UNC45B: variants seen among roughly 807,000 people sequenced by gnomAD.
The protein encoded by UNC45B is protein unc-45 homolog B.
A neutral mutation model predicts 98.7 loss-of-function variants in UNC45B; 78 were observed. The ratio of observed to expected loss-of-function variants is 0.79; its 90% CI spans 0.66 to 0.95. UNC45B has a LOEUF of 0.95. Among genes scored for constraint, UNC45B ranks in the 40% least tolerant of loss-of-function variants. UNC45B has a pLI of 0.00. For synonymous variants in UNC45B, 462 were observed against 480.4 expected (o/e 0.96, Z 0.50); for missense variants, 1,225 against 1,184.9 (o/e 1.03, Z -0.50).
rs778724875 is a variant in UNC45B, at chr17:35,170,255, G to A, written c.1689G>A (p.Lys563=). ...TGCAGGCCATGTTTGAGCTGGCCAA[G>A]GCAGGTGTCGGGGAGTCTGGCCCGA... ...PALQAMFELA[K]TSDKTILYSV... is the part of the protein sequence containing the mutation. Residue 563 remains lysine (K), a splice_region_variant and synonymous_variant, in exon 12 of 20, where the codon AAG becomes AAA. Transcript: ENST00000394570. The A allele has an allele frequency of 1.2e-6, 2 of 1,604,156 alleles. No individual in the cohort carries two copies. Among genetic ancestry groups the A allele is most frequent in the Non-Finnish European group, 1.7e-6 (2 of 1,173,220 alleles).
chr17:35,157,883 GTTGT>G (rs2092074877), intron 7 of UNC45B, among the ~76,000 whole-genome samples: 1 of 150,608 alleles, frequency 6.6e-6, no homozygotes, highest in African/African-American at 2.4e-5. Context: ...GTTTTTTTTT[GTTGT>G]TTGTTTGCTT....
At position 35,174,296 on chromosome 17, in the gene UNC45B, A is replaced by C; in HGVS notation, c.1885A>C (p.Ile629Leu). 1 of 1,614,204 alleles carries C rather than the reference A, an allele frequency of 6.2e-7. No homozygotes were observed. The highest frequency in any genetic ancestry group is 1.7e-5 in the Admixed American group (1 of 60,024). The change falls in exon 14 of 20, where the codon ATC becomes CTC. Residue 629 changes from isoleucine (I) to leucine (L), a missense_variant. Transcript: ENST00000394570. ...GAAGCGGCTTCTGAAGGCGGGTGTC[A>C]TCTCTGCCCTGGCTTGCATGGTGAA... ...RVKRLLKAGV[I>L]SALACMVKAD... is the part of the protein sequence containing the mutation.
rs1223216715 is a variant in UNC45B at position 35,159,473 on chromosome 17, C to T, written c.907C>T (p.Leu303Phe). ...GGGCAGGGATCAGGCGCTGAACCTG[C>T]TCAATAAGAATGTTCCCAGGAAGGA... ...GQGRDQALNL[L>F]NKNVPRKDLA... The change falls in exon 8 of 20, where the codon CTC (leucine) becomes TTC (phenylalanine). Residue 303 changes from leucine to phenylalanine, a missense_variant. By Grantham distance (22) the Leu-to-Phe change is conservative. Coordinates refer to ENST00000394570, the MANE Select transcript of UNC45B (RefSeq NM_001267052.2). 1 of 1,614,136 alleles carries T rather than the reference C, an allele frequency of 6.2e-7. No homozygotes were observed. The highest frequency in any genetic ancestry group is 1.1e-5 in the South Asian group (1 of 91,074).
chr17:35,183,640 C>T (rs1043691996), intron 19 of UNC45B, 58 bp downstream of exon 19: 6 of 1,427,478 alleles, frequency 4.2e-6, no homozygotes, highest in Middle Eastern at 4.9e-4. Flanking sequence ...TCTCCCCACC[C>T]ACAGACCACA....
chr17:35,171,470 C>A lies in UNC45B; in HGVS notation c.1830+8C>A, dbSNP rs147044360. 411 of 1,613,636 alleles carry A rather than the reference C, an allele frequency of 2.5e-4. 4 individuals are homozygous for A. In the Middle Eastern group the frequency reaches 5.8e-3, roughly 23 times the overall value. On this transcript the variant is annotated splice_region_variant and intron_variant, in intron 13 of 19. Transcript: ENST00000394570. ...CCCGAGGAACACCCCAAGGTAGGGT[C>A]AGGCGCGACCCGGGAGGGGTCTGGT... is the stretch of plus-strand genomic sequence containing the variant.
intron 7 of UNC45B, among the ~76,000 whole-genome samples, chr17:35,158,797 G>C (rs957191108): frequency 6.6e-6 from 1 of 152,218 alleles, no homozygotes; most frequent in Admixed American, 6.5e-5. Flanking sequence ...ATGGTTTGGA[G>C]AGCTTTACTT....
Position 35,186,349 on chromosome 17 carries a change from G to C in UNC45B, c.2580G>C (p.Leu860=), listed in dbSNP as rs778559923. ...ILQRLCLHDQ[L]SVQHRGLVIA... is the part of the protein sequence containing the mutation. ...AGCGGCTTTGCCTGCACGACCAGCT[G>C]TCTGTCCAACACCGGGGCCTGGTCA... The change falls in exon 20 of 20, where the codon CTG becomes CTC. Residue 860 remains leucine, a synonymous_variant. Coordinates refer to ENST00000394570, the MANE Select transcript of UNC45B (RefSeq NM_001267052.2). The C allele has an allele frequency of 6.2e-7, 1 of 1,614,166 alleles. No homozygotes were observed. The highest frequency in any genetic ancestry group is 1.1e-5 in the South Asian group (1 of 91,080).
rs777228056 is a variant in UNC45B at position 35,186,401 on chromosome 17, G to A, written c.2632G>A (p.Ala878Thr). Residue 878 changes from alanine (A) to threonine (T), a missense_variant, in exon 20 of 20, where the codon GCT becomes ACT. Coordinates refer to ENST00000394570, the MANE Select transcript of UNC45B (RefSeq NM_001267052.2). ...TGCCTACAACCTACTGGCAGCCGAT[G>A]CTGAGCTGGCCAAGAAGCTGGTGGA... The part of the protein sequence containing the change: ...VIAYNLLAAD[A>T]ELAKKLVESE... 6.2e-7 allele frequency: 1 copy of A among 1,614,114 alleles called. No homozygotes were observed. The highest frequency in any genetic ancestry group is 1.3e-5 in the African/African-American group (1 of 74,930).
intron 13 of UNC45B, among the ~76,000 whole-genome samples, chr17:35,173,831 T>A (rs1490164517): frequency 6.6e-6 from 1 of 150,662 alleles, no homozygotes; most frequent in Non-Finnish European, 1.5e-5. Context: ...TTTTTTTTTT[T>A]ATACAGAGTC....
intron 10 of UNC45B, 100 bp downstream of exon 10, chr17:35,168,461 A>T: frequency 2.7e-6 from 3 of 1,101,344 alleles, no homozygotes; most frequent in Non-Finnish European, 3.5e-6. Context: ...CCTTGAGGAG[A>T]CCAGGTTCAA....
chr17:35,148,340 C>T lies in UNC45B; in HGVS notation c.77C>T (p.Thr26Ile), dbSNP rs1460778333. The T allele has an allele frequency of 6.2e-7, 1 of 1,614,068 alleles. No homozygotes were observed. Among genetic ancestry groups the T allele is most frequent in the African/African-American group, 1.3e-5 (1 of 74,938 alleles). The stretch of plus-strand genomic sequence containing the variant: ...CAGCTCCAGGACTACAAGGCCGCCA[C>T]AAATAGCTACAGCCAGGCCCTGAAG... ...HFQLQDYKAA[T>I]NSYSQALKLT... The change falls in exon 2 of 20, where the codon ACA becomes ATA. Residue 26 changes from threonine to isoleucine, a missense_variant. By Grantham distance (89) the Thr-to-Ile change is moderately conservative. Transcript: ENST00000394570.
At position 35,168,350 on chromosome 17, in the gene UNC45B, C is replaced by G. The variant is rs764784381; in HGVS notation, c.1441C>G (p.Arg481Gly). The G allele has an allele frequency of 7.4e-7, 1 of 1,358,940 alleles. No homozygotes were observed. Among genetic ancestry groups the G allele is most frequent in the Non-Finnish European group, 9.6e-7 (1 of 1,044,836 alleles). 84.2% of individuals were successfully genotyped at this position (1,358,940 alleles called of 1,614,324 possible). A position where few individuals can be genotyped will look rare whatever the true frequency, so the allele number is the denominator to read the frequency against. The change falls in exon 10 of 20, where the codon CGC becomes GGC. Residue 481 changes from arginine (R) to glycine (G), a missense_variant. By Grantham distance (125) the Arg-to-Gly change is moderately radical (BLOSUM62 -2). Transcript: ENST00000394570. ...CACCAAAAATGAGAAGATCAAGATC[C>G]GCACACTGGTGGTGAGTGGGCTCGG... is the stretch of plus-strand genomic sequence containing the variant. ...KTTKNEKIKI[R>G]TLVGLCKLGS...
At position 35,154,660 on chromosome 17, in the gene UNC45B, G is replaced by C. The variant is rs1163354189; in HGVS notation, c.558G>C (p.Gln186His). 1 of 1,613,106 alleles carries C rather than the reference G, an allele frequency of 6.2e-7. No homozygotes were observed. The highest frequency in any genetic ancestry group is 8.5e-7 in the Non-Finnish European group (1 of 1,179,802). The change falls in exon 6 of 20, where the codon CAG becomes CAC. Residue 186 changes from glutamine to histidine, a missense_variant. Physicochemically the swap from Gln to His is conservative, Grantham distance 24. Transcript: ENST00000394570. ...ACAATGGAGTAGCCTTGCTACTGCA[G>C]CTTCTGGACACTAAGAAGCCTGAGC... ...FQNNGVALLL[Q>H]LLDTKKPELV...
chr17:35,156,973 T>G (rs2092067292), intron 7 of UNC45B, among the ~76,000 whole-genome samples: 1 of 152,184 alleles, frequency 6.6e-6, no homozygotes, highest in Non-Finnish European at 1.5e-5. Context: ...CATATGCACA[T>G]ACAGACTCAT....
At chr17:35,161,283 T>C (rs1179042699) in intron 8 of UNC45B, among the ~76,000 whole-genome samples, 1 of 152,214 alleles carries the variant, frequency 6.6e-6, no homozygotes, top group Non-Finnish European at 1.5e-5. Context: ...GATATTCGAA[T>C]ACAAAGCTGC....
chr17:35,166,544 C>T (rs778395056), intron 9 of UNC45B, among the ~76,000 whole-genome samples: 100 of 152,290 alleles, frequency 6.6e-4, no homozygotes, highest in Non-Finnish European at 1.2e-3. Context: ...GAGGAGGGGT[C>T]ACTGCCTTCA....
At chr17:35,156,398 T>C (rs1284906818) in intron 7 of UNC45B, among the ~76,000 whole-genome samples, 1 of 151,988 alleles carries the variant, frequency 6.6e-6, no homozygotes, top group African/African-American at 2.4e-5. Context: ...GAGGCCGAGG[T>C]GGATGGATCA....
In UNC45B at chr17:35,180,707, G is replaced by C. The variant is rs1332670092; in HGVS notation, c.2373+31G>C. 3 of 1,580,536 alleles carry C rather than the reference G, an allele frequency of 1.9e-6. No individual in the cohort carries two copies. In the Admixed American group the frequency reaches 5.0e-5, roughly 27 times the overall value. On this transcript the variant is annotated intron_variant, in intron 18 of 19. Coordinates refer to ENST00000394570, the MANE Select transcript of UNC45B (RefSeq NM_001267052.2). ...GCAGGGGCTCAGGATGGAGACCCGGGCGTGATCAAGGCACGAGAGGCAGGC... is the reference window on the plus strand; with the variant it reads ...GCAGGGGCTCAGGATGGAGACCCGGCCGTGATCAAGGCACGAGAGGCAGGC...
rs374044120 is a variant in UNC45B, at chr17:35,150,519, C to T, written c.381+296C>T. 1.4e-4 allele frequency among the ~76,000 whole-genome samples: 21 copies of T among 152,182 alleles called. 1 individual carries two copies. Among genetic ancestry groups the T allele is most frequent in the Middle Eastern group, 3.4e-3 (1 of 292 alleles). ...ATCCCAATACTTTGGGAGGCTGAGG[C>T]GGGCAGATCACTTGAGGTCAAGTAG... On this transcript the variant is annotated intron_variant, in intron 4 of 19. Transcript: ENST00000394570.
Sources: allele counts gnomAD v4.1 joint callset (sites outside exome capture counted in the v4.1 genomes callset), GRCh38; gene constraint gnomAD v4.1.1; transcripts MANE v1.5; gene names NCBI Gene and HGNC (gene_info 2026-07-23, HGNC 2026-07-21).